The following FRRS1 variants were observed in gnomAD, a reference collection of about 807,000 sequenced individuals.
FRRS1 encodes ferric reductase 1.
In FRRS1, 51 loss-of-function variants were observed where a neutral mutation model predicts 70.7. That is an observed-to-expected ratio of 0.72 (90% confidence interval 0.58 to 0.91). The LOEUF (loss-of-function observed/expected upper bound fraction) is 0.91, where lower values mean the gene tolerates loss of function less well. FRRS1 is among the 40% of genes least tolerant of loss of function. The pLI is 0.00. For missense variants in FRRS1, 672 were observed against 726.0 expected, an observed-to-expected ratio of 0.93 and a Z score of 0.86; for synonymous variants, 225 against 238.7, an observed-to-expected ratio of 0.94 and a Z score of 0.53.
At chr1:99,735,011 C>T (rs1199947474) in intron 7 of FRRS1, among the ~76,000 whole-genome samples, 2 of 152,164 alleles carry the variant, frequency 1.3e-5, no homozygotes, top group African/African-American at 4.8e-5. Context: ...ATAGACTTTA[C>T]ATTATTTAAC....
chr1:99,717,299 C>G, intron 11 of FRRS1, 111 bp downstream of exon 11: 1 of 750,442 alleles, frequency 1.3e-6, no homozygotes, highest in Non-Finnish European at 2.4e-6. Context: ...GGATCCCAAA[C>G]CTACAACTGC....
chr1:99,749,004 G>GA lies in FRRS1; in HGVS notation c.-105-4dup, dbSNP rs1257006872. On this transcript the variant is annotated splice_polypyrimidine_tract_variant and splice_region_variant and intron_variant, in intron 1 of 16. Coordinates refer to ENST00000646001, the MANE Select transcript of FRRS1 (RefSeq NM_001361041.2). The stretch of plus-strand genomic sequence containing the variant: ...CATTTAATCCTCCACTTCCTTACCT[G>GA]AAAAATAAGGAAACAAAGATCTCTT... 1 of 350,228 alleles carries GA rather than the reference G, an allele frequency of 2.9e-6. No individual in the cohort carries two copies. Among genetic ancestry groups the GA allele is most frequent in the African/African-American group, 2.1e-5 (1 of 47,022 alleles). 21.7% of individuals were successfully genotyped at this position (350,228 alleles called of 1,614,324 possible). A position where few individuals can be genotyped will look rare whatever the true frequency, so the allele number is the denominator to read the frequency against.
In FRRS1 at chr1:99,712,367, A is replaced by G. The variant is rs982288886; in HGVS notation, c.1421+51T>C. On this transcript the variant is annotated intron_variant, in intron 13 of 16. Coordinates refer to ENST00000646001, the MANE Select transcript of FRRS1 (RefSeq NM_001361041.2). ...CATTTGAAAACAGATTAGTTTGCCA[A>G]CTAATGATATCTACATTAAGAGAGC... The G allele has an allele frequency of 4.7e-6, 6 of 1,285,026 alleles. No individual in the cohort carries two copies. The Admixed American group carries it at 1.3e-4, about 28-fold the overall frequency. The allele number at this position is 1,285,026 out of a possible 1,614,324, so 79.6% of individuals were successfully genotyped here.
chr1:99,733,219 T>A (rs1388999714), intron 7 of FRRS1, among the ~76,000 whole-genome samples: 1 of 151,976 alleles, frequency 6.6e-6, no homozygotes, highest in Non-Finnish European at 1.5e-5. Flanking sequence ...AAAGAGGAAA[T>A]CATGGAAGCA....
intron 1 of FRRS1, among the ~76,000 whole-genome samples, chr1:99,752,028 C>T (rs1177835619): frequency 6.6e-6 from 1 of 152,132 alleles, no homozygotes; most frequent in Non-Finnish European, 1.5e-5. Flanking sequence ...AGGGACCTAC[C>T]TCTCTCAGCC....
chr1:99,736,833 T>TAAA (rs553512168), intron 7 of FRRS1, among the ~76,000 whole-genome samples: 11 of 142,988 alleles, frequency 7.7e-5, no homozygotes, highest in African/African-American at 2.6e-4. Context: ...TTAGGACAAT[T>TAAA]AAAAAAAAAA....
At chr1:99,724,796 A>G (rs1655000648) in intron 9 of FRRS1, among the ~76,000 whole-genome samples, 1 of 152,142 alleles carries the variant, frequency 6.6e-6, no homozygotes, top group African/African-American at 2.4e-5. Context: ...CCAGTTAAAA[A>G]AAAAAAAAAT....
intron 12 of FRRS1, among the ~76,000 whole-genome samples, chr1:99,715,277 T>C (rs938548197): frequency 2.0e-5 from 3 of 152,188 alleles, no homozygotes; most frequent in African/African-American, 7.2e-5. Context: ...ACTCACATTG[T>C]TCATGTTCCT....
At chr1:99,709,867 C>T (rs535774234) in intron 15 of FRRS1, among the ~76,000 whole-genome samples, 1 of 152,208 alleles carries the variant, frequency 6.6e-6, no homozygotes, top group South Asian at 2.1e-4. Flanking sequence ...AGATGGGAAT[C>T]TGAATCAGGT....
In FRRS1 at chr1:99,706,240, T is replaced by A. The variant is rs1367577812; in HGVS notation, c.*2788A>T. 1.8e-4 allele frequency among the ~76,000 whole-genome samples: 24 copies of A among 130,404 alleles called. No homozygotes were observed. Among genetic ancestry groups the A allele is most frequent in the South Asian group, 4.7e-4 (2 of 4,300 alleles). 85.6% of individuals were successfully genotyped at this position (130,404 alleles called of 152,430 possible). A position where few individuals can be genotyped will look rare whatever the true frequency, so the allele number is the denominator to read the frequency against. On this transcript the variant is annotated 3_prime_UTR_variant, in exon 17 of 17. Transcript: ENST00000646001. ...CTTCTCTACCAAAAAAAAAAAAAAATTTTTTTTTAATTAGCTGGCTGTGGT... is the reference window on the plus strand; with the variant it reads ...CTTCTCTACCAAAAAAAAAAAAAAAATTTTTTTTAATTAGCTGGCTGTGGT...
At chr1:99,733,154 G>T (rs897246313) in intron 7 of FRRS1, among the ~76,000 whole-genome samples, 1 of 152,066 alleles carries the variant, frequency 6.6e-6, no homozygotes, top group African/African-American at 2.4e-5. Context: ...CAGCCAAGAC[G>T]ATCTTAAATG....
intron 9 of FRRS1, among the ~76,000 whole-genome samples, chr1:99,720,112 A>G (rs1654741114): frequency 6.6e-6 from 1 of 152,216 alleles, no homozygotes; most frequent in Non-Finnish European, 1.5e-5. Context: ...GGATGGTTGG[A>G]AGACAAAGAA....
At chr1:99,740,701 G>A (rs1655911585) in intron 6 of FRRS1, 92 bp downstream of exon 6, 2 of 849,390 alleles carry the variant, frequency 2.4e-6, no homozygotes, top group Non-Finnish European at 2.0e-6. Flanking sequence ...TGACTCCAAG[G>A]CAGGAGGATC....
At chr1:99,762,390 A>G (rs565191145) in intron 1 of FRRS1, among the ~76,000 whole-genome samples, 1 of 152,268 alleles carries the variant, frequency 6.6e-6, no homozygotes, top group African/African-American at 2.4e-5. Context: ...TATTTTAATT[A>G]AGTCTGGTTC....
At chr1:99,754,442 C>A (rs983277102) in intron 1 of FRRS1, among the ~76,000 whole-genome samples, 1 of 152,022 alleles carries the variant, frequency 6.6e-6, no homozygotes, top group African/African-American at 2.4e-5. Context: ...TCACACCACA[C>A]CCCTGCACTC....
At chr1:99,738,990 G>A (rs547363560) in intron 6 of FRRS1, among the ~76,000 whole-genome samples, 1 of 152,286 alleles carries the variant, frequency 6.6e-6, no homozygotes, top group East Asian at 1.9e-4. Context: ...TGCTGTGACA[G>A]TAAATTTCAG....
Position 99,710,950 on chromosome 1 carries a change from C to G in FRRS1, c.1481-1G>C. 1 of 1,611,752 alleles carries G rather than the reference C, an allele frequency of 6.2e-7. No individual in the cohort carries two copies. The highest frequency in any genetic ancestry group is 1.3e-5 in the African/African-American group (1 of 74,960). Reference sequence around the variant, plus strand: ...TCCATTCCCAGGAACATCGCTGCCACTACATACAAAAGAAAAAAGTTACAT... The same window carrying G: ...TCCATTCCCAGGAACATCGCTGCCAGTACATACAAAAGAAAAAAGTTACAT... On this transcript the variant is annotated splice_acceptor_variant, in intron 14 of 16. Coordinates refer to ENST00000646001, the MANE Select transcript of FRRS1 (RefSeq NM_001361041.2). LOFTEE classifies it high-confidence loss of function.
intron 9 of FRRS1, among the ~76,000 whole-genome samples, chr1:99,727,415 T>C (rs1655127105): frequency 6.6e-6 from 1 of 152,174 alleles, no homozygotes; most frequent in Admixed American, 6.5e-5. Context: ...TATATCTAAA[T>C]CTAAAAATGT....
At chr1:99,720,366 G>A (rs976466512) in intron 9 of FRRS1, among the ~76,000 whole-genome samples, 3 of 151,986 alleles carry the variant, frequency 2.0e-5, no homozygotes, top group African/African-American at 7.2e-5. Flanking sequence ...TGTTTTCTAT[G>A]CTGGCAAAAA....
Sources: gnomAD v4.1 joint callset for allele counts (sites outside exome capture counted in the v4.1 genomes callset) on GRCh38, gnomAD v4.1.1 for gene constraint, MANE v1.5 for transcripts, NCBI Gene and HGNC (gene_info 2026-07-23, HGNC 2026-07-21) for gene names.